The following GALNT1 variants were observed in gnomAD, a reference collection of about 807,000 sequenced individuals.
GALNT1 encodes the protein GalNAc transferase 1.
A neutral mutation model predicts 65.7 loss-of-function variants in GALNT1; 17 were observed. That is an observed-to-expected ratio of 0.26 (90% confidence interval 0.18 to 0.39). The LOEUF is 0.39. Among genes scored for constraint, GALNT1 ranks in the 10% least tolerant of loss-of-function variants. The probability of loss-of-function intolerance (pLI) is 1.00; values close to 1 mark genes in which losing one functional copy is unlikely to be tolerated. For missense variants in GALNT1, 460 were observed against 672.8 expected (o/e 0.68, Z 3.50); for synonymous variants, 210 against 219.7 (o/e 0.96, Z 0.39).
chr18:35,634,457 C>T (rs7243359), intron 1 of GALNT1, among the ~76,000 whole-genome samples: 34,176 of 152,088 alleles, frequency 0.22, 4,326 homozygotes, highest in African/African-American at 0.34. Context: ...TACTAACAGC[C>T]AGGATTTATT....
intron 1 of GALNT1, among the ~76,000 whole-genome samples, chr18:35,639,362 A>G (rs911514875): frequency 6.6e-6 from 1 of 152,228 alleles, no homozygotes; most frequent in African/African-American, 2.4e-5. Context: ...GATTGGTAGA[A>G]TTTTTTAGCA....
intron 1 of GALNT1, among the ~76,000 whole-genome samples, chr18:35,640,617 G>T (rs533366327): frequency 5.9e-5 from 9 of 152,180 alleles, no homozygotes; most frequent in African/African-American, 2.2e-4. Flanking sequence ...AGACTTAACA[G>T]GTCAGGAGTA....
chr18:35,622,867 T>C (rs560452250), intron 1 of GALNT1, among the ~76,000 whole-genome samples: 3 of 152,134 alleles, frequency 2.0e-5, no homozygotes, highest in South Asian at 2.1e-4. Context: ...AGATATCTTT[T>C]GTTAGGTTAA....
chr18:35,662,962 T>C (rs2144454778), intron 2 of GALNT1, among the ~76,000 whole-genome samples: 1 of 152,272 alleles, frequency 6.6e-6, no homozygotes, highest in African/African-American at 2.4e-5. Context: ...GGTTTGACAA[T>C]CATTATAATG....
At chr18:35,665,409 G>A (rs758865435) in intron 3 of GALNT1, among the ~76,000 whole-genome samples, 25 of 152,022 alleles carry the variant, frequency 1.6e-4, no homozygotes, top group Non-Finnish European at 3.7e-4. Flanking sequence ...TTTAATAATA[G>A]GAGTCTCAAA....
chr18:35,709,894 T>TAATGGCTG lies in GALNT1; in HGVS notation c.*125_*126insATGGCTGA. The TAATGGCTG allele has an allele frequency of 1.8e-6, 2 of 1,138,082 alleles. No individual in the cohort carries two copies. Among genetic ancestry groups the TAATGGCTG allele is most frequent in the Non-Finnish European group, 2.4e-6 (2 of 819,710 alleles). 70.5% of individuals were successfully genotyped at this position (1,138,082 alleles called of 1,614,324 possible). ...TTCCTCCTCTGCAGGATGTAAGGTT[T>TAATGGCTG]ATCAGCCATTAAAACTTAGACTTCT... On this transcript the variant is annotated 3_prime_UTR_variant, in exon 12 of 12. Transcript: ENST00000269195.
rs571148426 is a variant in GALNT1 at position 35,633,843 on chromosome 18, G to T, written c.-103-20717G>T. Among the ~76,000 whole-genome samples, 20 of 152,238 alleles carry T rather than the reference G, an allele frequency of 1.3e-4. No homozygotes were observed. In the East Asian group the frequency reaches 3.5e-3, roughly 26 times the overall value. On this transcript the variant is annotated intron_variant, in intron 1 of 11. Coordinates refer to ENST00000269195, the MANE Select transcript of GALNT1 (RefSeq NM_020474.4). ...AATTAGTACACTCACTTCTGATTAGGGAGGTCAATCTGAAGGCTAAATAAG... is the reference window on the plus strand; with the variant it reads ...AATTAGTACACTCACTTCTGATTAGTGAGGTCAATCTGAAGGCTAAATAAG...
intron 9 of GALNT1, among the ~76,000 whole-genome samples, chr18:35,698,450 C>G (rs901065948): frequency 2.0e-5 from 3 of 151,644 alleles, no homozygotes; most frequent in Non-Finnish European, 4.4e-5. Flanking sequence ...GCCTGGGTGA[C>G]AGAGCAAGAG....
intron 2 of GALNT1, among the ~76,000 whole-genome samples, chr18:35,662,422 T>A (rs1416830158): frequency 6.6e-6 from 1 of 152,214 alleles, no homozygotes; most frequent in Non-Finnish European, 1.5e-5. Flanking sequence ...GAAATCTATT[T>A]TTAAATTCTG....
At chr18:35,645,167 AC>A (rs2047213333) in intron 1 of GALNT1, among the ~76,000 whole-genome samples, 1 of 148,656 alleles carries the variant, frequency 6.7e-6, no homozygotes, top group Admixed American at 6.7e-5. Context: ...ATAAAGCTCC[AC>A]AGTTTTCTTC....
At chr18:35,670,732 A>C (rs1169634723) in intron 3 of GALNT1, among the ~76,000 whole-genome samples, 4 of 152,346 alleles carry the variant, frequency 2.6e-5, no homozygotes, top group African/African-American at 9.6e-5. Context: ...GTAATAATTA[A>C]GATAATGTGG....
intron 1 of GALNT1, chr18:35,591,892 A>G (rs1277550004): frequency 1.3e-5 from 2 of 154,380 alleles, no homozygotes; most frequent in East Asian, 3.8e-4. Context: ...TAAGTCAATC[A>G]CTTGATTTGT....
At chr18:35,667,791 T>A (rs994629884) in intron 3 of GALNT1, among the ~76,000 whole-genome samples, 3 of 152,236 alleles carry the variant, frequency 2.0e-5, no homozygotes, top group Non-Finnish European at 2.9e-5. Context: ...CCCTGTCCTG[T>A]GAATTGGTAG....
At chr18:35,672,761 A>G (rs1236413951) in intron 3 of GALNT1, among the ~76,000 whole-genome samples, 1 of 151,764 alleles carries the variant, frequency 6.6e-6, no homozygotes, top group Non-Finnish European at 1.5e-5. Flanking sequence ...CAAATCATCT[A>G]GTAAGCCAAA....
chr18:35,671,857 T>A (rs529753851), intron 3 of GALNT1, among the ~76,000 whole-genome samples: 58 of 152,352 alleles, frequency 3.8e-4, no homozygotes, highest in Admixed American at 1.4e-3. Flanking sequence ...AGCACTGATA[T>A]TATTCTTCAA....
intron 9 of GALNT1, among the ~76,000 whole-genome samples, chr18:35,694,578 G>A (rs2048023503): frequency 6.6e-6 from 1 of 152,186 alleles, no homozygotes; most frequent in Non-Finnish European, 1.5e-5. Context: ...TCCACCTCAG[G>A]GTATGTATCC....
chr18:35,651,126 G>A (rs762574082), intron 1 of GALNT1, among the ~76,000 whole-genome samples: 58 of 152,120 alleles, frequency 3.8e-4, no homozygotes, highest in African/African-American at 1.2e-3. Flanking sequence ...CTGACTTCCC[G>A]CAACAAAACT....
At chr18:35,654,224 C>A (rs2047348108) in intron 1 of GALNT1, among the ~76,000 whole-genome samples, 1 of 152,108 alleles carries the variant, frequency 6.6e-6, no homozygotes, top group African/African-American at 2.4e-5. Context: ...ATTTGCATTT[C>A]CTAATTGTAG....
At chr18:35,659,980 T>C (rs1278776882) in intron 2 of GALNT1, 1 of 152,200 alleles carries the variant, frequency 6.6e-6, no homozygotes, top group Non-Finnish European at 1.5e-5. Context: ...TACTGCATTT[T>C]ATTGCATCTT....
Sources: allele counts gnomAD v4.1 joint callset (sites outside exome capture counted in the v4.1 genomes callset), GRCh38; gene constraint gnomAD v4.1.1; transcripts MANE v1.5; gene names NCBI Gene and HGNC (gene_info 2026-07-23, HGNC 2026-07-21).